The following CHRM2 variants were observed in gnomAD, a reference collection of about 807,000 sequenced individuals.
CHRM2 encodes muscarinic acetylcholine receptor M2.
In CHRM2, 8 loss-of-function variants were observed where a neutral mutation model predicts 25.0. The ratio of observed to expected loss-of-function variants is 0.32; its 90% CI spans 0.19 to 0.58. The LOEUF (loss-of-function observed/expected upper bound fraction) is 0.58, where lower values mean the gene tolerates loss of function less well. Ranked by LOEUF, CHRM2 falls within the 20% of genes least tolerant of loss-of-function variation. CHRM2 has a pLI of 0.88. For synonymous variants in CHRM2, 202 were observed against 205.7 expected, an observed-to-expected ratio of 0.98 and a Z score of 0.15; for missense variants, 440 against 567.1, an observed-to-expected ratio of 0.78 and a Z score of 2.28.
intron 3 of CHRM2, among the ~76,000 whole-genome samples, chr7:137,000,200 T>C (rs1328417857): frequency 1.5e-5 from 2 of 133,776 alleles, no homozygotes; most frequent in African/African-American, 5.6e-5. Flanking sequence ...CTTTCTTTTT[T>C]TTTTTTTTTT....
At chr7:136,999,739 T>C (rs1382494065) in intron 3 of CHRM2, among the ~76,000 whole-genome samples, 1 of 152,126 alleles carries the variant, frequency 6.6e-6, no homozygotes, top group Non-Finnish European at 1.5e-5. Flanking sequence ...GATAAGTAAA[T>C]AGTACAGATA....
chr7:136,987,602 C>T (rs1802943957), intron 2 of CHRM2, among the ~76,000 whole-genome samples: 1 of 152,240 alleles, frequency 6.6e-6, no homozygotes, highest in Non-Finnish European at 1.5e-5. Context: ...GTGAGTTCAT[C>T]TGCCACTGTG....
intron 2 of CHRM2, among the ~76,000 whole-genome samples, chr7:136,879,273 T>C (rs2130494364): frequency 6.6e-6 from 1 of 152,086 alleles, no homozygotes; most frequent in East Asian, 1.9e-4. Context: ...TAAAATGTCA[T>C]TATTTGATCT....
chr7:136,974,376 A>G (rs1801979219), intron 2 of CHRM2, among the ~76,000 whole-genome samples: 1 of 152,202 alleles, frequency 6.6e-6, no homozygotes, highest in Admixed American at 6.5e-5. Flanking sequence ...TGCAAACTCA[A>G]TTGCACAGAA....
chr7:136,882,414 T>A (rs1202260601), intron 2 of CHRM2, among the ~76,000 whole-genome samples: 1 of 150,162 alleles, frequency 6.7e-6, no homozygotes, highest in African/African-American at 2.4e-5. Flanking sequence ...CTCTTCACCT[T>A]CCTTCTCCTC....
At chr7:136,980,126 A>G (rs1316328205) in intron 2 of CHRM2, among the ~76,000 whole-genome samples, 5 of 152,100 alleles carry the variant, frequency 3.3e-5, no homozygotes, top group Non-Finnish European at 7.4e-5. Context: ...CTCCTTGAGC[A>G]GTGGTTTGTA....
At chr7:136,930,307 A>G (rs983839822) in intron 2 of CHRM2, among the ~76,000 whole-genome samples, 2 of 151,998 alleles carry the variant, frequency 1.3e-5, no homozygotes, top group East Asian at 2.0e-4. Flanking sequence ...ATCGTGGCAC[A>G]CACCTGTAAT....
At chr7:136,983,096 G>T (rs559572695) in intron 2 of CHRM2, among the ~76,000 whole-genome samples, 6 of 152,134 alleles carry the variant, frequency 3.9e-5, no homozygotes, top group African/African-American at 1.4e-4. Flanking sequence ...CGTAGGTTTG[G>T]TCTTTTCACA....
Position 137,018,758 on chromosome 7 carries a change from A to G in CHRM2, c.*2492A>G, listed in dbSNP as rs1468903819. The G allele has an allele frequency of 6.6e-6, 1 of 151,984 alleles. No homozygotes were observed. The highest frequency in any genetic ancestry group is 1.5e-5 in the Non-Finnish European group (1 of 67,942). The allele number at this position is 151,984 out of a possible 1,614,324, so 9.4% of individuals were successfully genotyped here. A position where few individuals can be genotyped will look rare whatever the true frequency, so the allele number is the denominator to read the frequency against. ...GAAAGAGAAACTGTCACTTTAAAGAAAGAAATTGAAGATAGGCTGACACCA... is the reference window on the plus strand; with the variant it reads ...GAAAGAGAAACTGTCACTTTAAAGAGAGAAATTGAAGATAGGCTGACACCA... On this transcript the variant is annotated 3_prime_UTR_variant, in exon 4 of 4. Coordinates refer to ENST00000680005, the MANE Select transcript of CHRM2 (RefSeq NM_001006630.2).
chr7:136,992,277 T>C lies in CHRM2; in HGVS notation c.-47+13T>C, dbSNP rs973937683. On this transcript the variant is annotated intron_variant, in intron 3 of 3. Coordinates refer to ENST00000680005, the MANE Select transcript of CHRM2 (RefSeq NM_001006630.2). Reference sequence around the variant, plus strand: ...TGCCTGGCATATAGTAAGTGCTCAATAAATTTTTAATGAATAAATTAATAC... The same window carrying C: ...TGCCTGGCATATAGTAAGTGCTCAACAAATTTTTAATGAATAAATTAATAC... 1 of 152,180 alleles carries C rather than the reference T, an allele frequency of 6.6e-6. No homozygotes were observed. Among genetic ancestry groups the C allele is most frequent in the African/African-American group, 2.4e-5 (1 of 41,466 alleles). 9.4% of individuals were successfully genotyped at this position (152,180 alleles called of 1,614,324 possible).
In CHRM2 at chr7:136,893,435, G is replaced by A. The variant is rs913561313; in HGVS notation, c.-125+24017G>A. Among the ~76,000 whole-genome samples, 8 of 152,092 alleles carry A rather than the reference G, an allele frequency of 5.3e-5. 1 individual carries two copies. The highest frequency in any genetic ancestry group is 1.9e-4 in the African/African-American group (8 of 41,418). On this transcript the variant is annotated intron_variant, in intron 2 of 3. Coordinates refer to ENST00000680005, the MANE Select transcript of CHRM2 (RefSeq NM_001006630.2). ...AATAATGACATAGTCGAGATAAATGGTACAAATTCTTTCTTTCCTTTTACC... is the reference window on the plus strand; with the variant it reads ...AATAATGACATAGTCGAGATAAATGATACAAATTCTTTCTTTCCTTTTACC...
chr7:136,989,367 A>C (rs2131010407), intron 2 of CHRM2, among the ~76,000 whole-genome samples: 1 of 152,288 alleles, frequency 6.6e-6, no homozygotes, highest in South Asian at 2.1e-4. Flanking sequence ...ACAGTGATTA[A>C]TGACTGGAGA....
chr7:136,925,400 A>G (rs964358034), intron 2 of CHRM2, among the ~76,000 whole-genome samples: 3 of 152,200 alleles, frequency 2.0e-5, no homozygotes, highest in Admixed American at 6.5e-5. Context: ...TTGGGGCTCA[A>G]TAAAGTTGTA....
chr7:136,999,153 A>G (rs1803809148), intron 3 of CHRM2, among the ~76,000 whole-genome samples: 1 of 152,164 alleles, frequency 6.6e-6, no homozygotes, highest in African/African-American at 2.4e-5. Context: ...TATATAGCCT[A>G]AAAATGGAAA....
rs561133472 is a variant in CHRM2, at chr7:137,019,286, G to A, written c.*3020G>A. 1.3e-5 allele frequency: 2 copies of A among 151,878 alleles called. No individual in the cohort carries two copies. The highest frequency in any genetic ancestry group is 2.9e-5 in the Non-Finnish European group (2 of 67,912). 9.4% of individuals were successfully genotyped at this position (151,878 alleles called of 1,614,324 possible). A position where few individuals can be genotyped will look rare whatever the true frequency, so the allele number is the denominator to read the frequency against. ...AACTTTTCTCCTGAGTCTGGTGTAT[G>A]TGTCAGTCACAGATTGGGAACTCAG... On this transcript the variant is annotated 3_prime_UTR_variant, in exon 4 of 4. Coordinates refer to ENST00000680005, the MANE Select transcript of CHRM2 (RefSeq NM_001006630.2).
intron 2 of CHRM2, among the ~76,000 whole-genome samples, chr7:136,975,357 C>G (rs560513901): frequency 6.6e-6 from 1 of 152,068 alleles, no homozygotes; most frequent in Non-Finnish European, 1.5e-5. Flanking sequence ...GGTCCATAGC[C>G]TTTCCCAAAT....
At chr7:136,998,309 G>A (rs1003634309) in intron 3 of CHRM2, among the ~76,000 whole-genome samples, 1 of 131,676 alleles carries the variant, frequency 7.6e-6, no homozygotes, top group African/African-American at 3.0e-5. Flanking sequence ...TAGTGACAAA[G>A]AAAACCACAG....
intron 2 of CHRM2, among the ~76,000 whole-genome samples, chr7:136,887,391 A>C (rs1371592651): frequency 6.6e-6 from 1 of 152,010 alleles, no homozygotes; most frequent in Non-Finnish European, 1.5e-5. Context: ...TAGAATTGTC[A>C]ATCTCTGGTG....
intron 2 of CHRM2, chr7:136,903,333 G>C (rs147454417): frequency 1.2e-3 from 529 of 457,152 alleles, no homozygotes; most frequent in Non-Finnish European, 1.8e-3. Context: ...GTCTTCTATA[G>C]TGTATGTGCA....
Sources: gnomAD v4.1 joint callset for allele counts (sites outside exome capture counted in the v4.1 genomes callset) on GRCh38, gnomAD v4.1.1 for gene constraint, MANE v1.5 for transcripts, NCBI Gene and HGNC (gene_info 2026-07-23, HGNC 2026-07-21) for gene names.